Variants in NHSL1 observed in about 807,000 individuals in gnomAD.
The protein encoded by NHSL1 is NHS-like protein 1.
A neutral mutation model predicts 95.0 loss-of-function variants in NHSL1; 48 were observed. The ratio of observed to expected loss-of-function variants is 0.51; its 90% CI spans 0.40 to 0.64. The LOEUF is 0.64. Ranked by LOEUF, NHSL1 falls within the 30% of genes least tolerant of loss-of-function variation. The pLI is 0.00. For missense variants in NHSL1, 1,971 were observed against 2,077.7 expected (o/e 0.95, Z 1.00); for synonymous variants, 783 against 833.9 (o/e 0.94, Z 1.05).
chr6:138,505,590 G>A (rs1203613748), intron 1 of NHSL1, among the ~76,000 whole-genome samples: 2 of 149,132 alleles, frequency 1.3e-5, no homozygotes, highest in Admixed American at 6.8e-5. Flanking sequence ...GGGAGGCGGA[G>A]GTTGCAGTGA....
intron 2 of NHSL1, among the ~76,000 whole-genome samples, chr6:138,490,794 C>T (rs1388541926): frequency 1.3e-5 from 2 of 152,094 alleles, no homozygotes; most frequent in African/African-American, 2.4e-5. Context: ...CCACCACACC[C>T]GGCTAATTTT....
chr6:138,576,084 C>T (rs866295816), upstream of NHSL1, among the ~76,000 whole-genome samples: 15 of 152,158 alleles, frequency 9.9e-5, 1 homozygote, highest in Middle Eastern at 6.8e-3. Context: ...CTTCGCCTCC[C>T]GGGTTTAAGC....
chr6:138,506,568 C>T (rs73575467), intron 1 of NHSL1, among the ~76,000 whole-genome samples: 10,005 of 152,128 alleles, frequency 0.066, 469 homozygotes, highest in African/African-American at 0.14. Flanking sequence ...GAATGGGATA[C>T]ACTTATGCTA....
At chr6:138,687,786 A>G (rs1469534324) in intron 1 of NHSL1, among the ~76,000 whole-genome samples, 1 of 152,218 alleles carries the variant, frequency 6.6e-6, no homozygotes, top group Non-Finnish European at 1.5e-5. Flanking sequence ...AGTCAAATCT[A>G]TAGAGGCAGA....
chr6:138,639,484 A>G, intron 1 of NHSL1, among the ~76,000 whole-genome samples: 1 of 152,002 alleles, frequency 6.6e-6, no homozygotes, highest in East Asian at 1.9e-4. Flanking sequence ...CTAAAAATAC[A>G]AGAAAAAAAA....
At chr6:138,682,234 A>AGTG in intron 1 of NHSL1, among the ~76,000 whole-genome samples, 1 of 152,226 alleles carries the variant, frequency 6.6e-6, no homozygotes, top group East Asian at 1.9e-4. Context: ...GAAACCAATC[A>AGTG]AAAGGGTAAG....
intron 1 of NHSL1, among the ~76,000 whole-genome samples, chr6:138,592,513 A>C (rs1321058330): frequency 6.6e-6 from 1 of 152,180 alleles, no homozygotes; most frequent in African/African-American, 2.4e-5. Flanking sequence ...GAGGCATGAG[A>C]ATCACTTGAA....
chr6:138,431,426 AG>A lies in NHSL1; in HGVS notation c.2918del (p.Pro973LeufsTer25). Reference protein sequence around the residue: ...SPLPHSPVFPPPPPEALIPFC... With the variant: ...SPLPHSPVFPXPPPEALIPFC... ...AAGGAATGAGAGCTTCTGGCGGCGG[AG>A]GGGGGAACACAGGAGAGTGAGGCAG... On this transcript the variant is annotated frameshift_variant, in exon 6 of 8. Transcript: ENST00000343505. LOFTEE classifies it high-confidence loss of function. The surrounding 1 kb of genome is among the most constrained non-coding windows in gnomAD (Gnocchi z 4.0). 1.3e-6 allele frequency: 2 copies of A among 1,549,164 alleles called. No individual in the cohort carries two copies. The highest frequency in any genetic ancestry group is 1.7e-6 in the Non-Finnish European group (2 of 1,146,496).
chr6:138,638,783 T>A (rs1784921869), intron 1 of NHSL1, among the ~76,000 whole-genome samples: 1 of 152,174 alleles, frequency 6.6e-6, no homozygotes, highest in Admixed American at 6.5e-5. Flanking sequence ...CCAGCCACTA[T>A]GGATCAAGCT....
At chr6:138,658,877 A>G (rs1427398283) in intron 1 of NHSL1, among the ~76,000 whole-genome samples, 2 of 152,216 alleles carry the variant, frequency 1.3e-5, no homozygotes, top group Non-Finnish European at 2.9e-5. Flanking sequence ...TTTCTTTTAA[A>G]TGTATAGTTG....
intron 1 of NHSL1, among the ~76,000 whole-genome samples, chr6:138,498,962 CA>C (rs1780516512): frequency 1.3e-5 from 2 of 152,106 alleles, no homozygotes; most frequent in Non-Finnish European, 2.9e-5. Context: ...CTTAAAACCC[CA>C]ATCATAAATA....
At chr6:138,632,347 T>C (rs889978365) in intron 1 of NHSL1, among the ~76,000 whole-genome samples, 2 of 152,110 alleles carry the variant, frequency 1.3e-5, no homozygotes, top group African/African-American at 2.4e-5. Flanking sequence ...ACCTACTGAT[T>C]GTAGAACCCC....
At chr6:138,523,825 T>A (rs1781793171) in intron 1 of NHSL1, among the ~76,000 whole-genome samples, 1 of 152,186 alleles carries the variant, frequency 6.6e-6, no homozygotes, top group Non-Finnish European at 1.5e-5. Flanking sequence ...AGGTCCATGC[T>A]GTAGGTCTAG....
intron 1 of NHSL1, among the ~76,000 whole-genome samples, chr6:138,640,491 C>T (rs1784945717): frequency 6.6e-6 from 1 of 152,092 alleles, no homozygotes; most frequent in African/African-American, 2.4e-5. Context: ...ATCCCTCCTC[C>T]TCCTCATCCT....
chr6:138,689,217 C>T (rs1473251141), intron 1 of NHSL1, among the ~76,000 whole-genome samples: 1 of 152,186 alleles, frequency 6.6e-6, no homozygotes, highest in Non-Finnish European at 1.5e-5. Flanking sequence ...AACAAAGACT[C>T]GGCCATCCTG....
chr6:138,593,755 T>C (rs543152106), intron 1 of NHSL1, among the ~76,000 whole-genome samples: 1 of 152,304 alleles, frequency 6.6e-6, no homozygotes, highest in Admixed American at 6.5e-5. Context: ...GATTATAGTA[T>C]TTAGCAACAC....
At chr6:138,626,893 CAAAAAAAAAAA>C (rs71009593) in intron 1 of NHSL1, among the ~76,000 whole-genome samples, 47 of 7,768 alleles carry the variant, frequency 6.1e-3, no homozygotes, top group African/African-American at 0.013. Context: ...GACTCCGTCT[CAAAAAAAAAAA>C]AAAAAAAAAA....
intron 1 of NHSL1, among the ~76,000 whole-genome samples, chr6:138,580,369 AG>A (rs1458141169): frequency 6.6e-6 from 1 of 152,228 alleles, no homozygotes; most frequent in Non-Finnish European, 1.5e-5. Flanking sequence ...AGAAACAAGT[AG>A]TAGGCCTGAG....
Position 138,430,960 on chromosome 6 carries a change from T to C in NHSL1, c.3385A>G (p.Ser1129Gly). 3.2e-6 allele frequency: 5 copies of C among 1,551,824 alleles called. No homozygotes were observed. Among genetic ancestry groups the C allele is most frequent in the Non-Finnish European group, 4.4e-6 (5 of 1,147,022 alleles). Reference sequence around the variant, plus strand: ...GAGCTTGTCACAGAGGCAGGCTGGCTTTCACTCTCCATTTCATTTGTGCTA... The same window carrying C: ...GAGCTTGTCACAGAGGCAGGCTGGCCTTCACTCTCCATTTCATTTGTGCTA... The part of the protein sequence containing the change: ...RNSTNEMESE[S>G]QPASVTSSLP... Residue 1129 changes from serine to glycine, a missense_variant, in exon 6 of 8, where the codon AGC (serine) becomes GGC (glycine). By Grantham distance (56) the Ser-to-Gly change is moderately conservative. Around this residue, in one of 3 missense-constraint regions of NHSL1, gnomAD observed 1,602 missense variants for 1,654.5 expected, o/e 0.97. Coordinates refer to ENST00000343505, the MANE Select transcript of NHSL1 (RefSeq NM_001144060.2). The surrounding 1 kb of genome is among the most constrained non-coding windows in gnomAD (Gnocchi z 4.7).
Sources: allele counts gnomAD v4.1 joint callset (sites outside exome capture counted in the v4.1 genomes callset), GRCh38; gene constraint gnomAD v4.1.1; regional missense constraint gnomAD v4.1.1; non-coding constraint Gnocchi (gnomAD v3.1); transcripts MANE v1.5; gene names NCBI Gene and HGNC (gene_info 2026-07-23, HGNC 2026-07-21).